The following KIF18A variants were observed in gnomAD, a reference collection of about 807,000 sequenced individuals.
KIF18A encodes kinesin-like protein KIF18A.
In KIF18A, 67 loss-of-function variants were observed where a neutral mutation model predicts 103.3. That is an observed-to-expected ratio of 0.65 (90% CI 0.53 to 0.79). KIF18A has a LOEUF of 0.79. Ranked by LOEUF, KIF18A falls within the 30% of genes least tolerant of loss-of-function variation. KIF18A has a pLI of 0.00. For synonymous variants in KIF18A, 367 were observed against 355.5 expected (o/e 1.03, Z -0.36); for missense variants, 1,032 against 1,062.5 (o/e 0.97, Z 0.40).
intron 9 of KIF18A, among the ~76,000 whole-genome samples, chr11:28,079,732 G>A (rs1159896021): frequency 1.3e-5 from 2 of 151,232 alleles, no homozygotes; most frequent in African/African-American, 4.9e-5. Context: ...ATAAGCTGAT[G>A]TACTTTGGAA....
At chr11:28,040,372 T>C (rs1299722564) in intron 13 of KIF18A, among the ~76,000 whole-genome samples, 1 of 151,730 alleles carries the variant, frequency 6.6e-6, no homozygotes, top group Non-Finnish European at 1.5e-5. Flanking sequence ...AGAGCAGGCA[T>C]GGGACAGTTG....
At chr11:28,037,738 C>G (rs1850513229) in intron 13 of KIF18A, among the ~76,000 whole-genome samples, 1 of 151,618 alleles carries the variant, frequency 6.6e-6, no homozygotes, top group South Asian at 2.1e-4. Flanking sequence ...CCTCATCACT[C>G]TGGAGAAGTC....
chr11:28,100,477 G>A (rs1851430604), intron 1 of KIF18A, among the ~76,000 whole-genome samples: 1 of 149,944 alleles, frequency 6.7e-6, no homozygotes, highest in African/African-American at 2.5e-5. Context: ...GCAGTAGTGG[G>A]GAAAAAACCC....
At chr11:28,094,607 C>A in intron 3 of KIF18A, 36 bp downstream of exon 3, 1 of 1,469,818 alleles carries the variant, frequency 6.8e-7, no homozygotes, top group Non-Finnish European at 9.5e-7. Context: ...TCAATGATTT[C>A]CCAAAACTAT....
chr11:28,033,569 T>G (rs1850439018), intron 15 of KIF18A, among the ~76,000 whole-genome samples: 1 of 151,804 alleles, frequency 6.6e-6, no homozygotes, highest in Admixed American at 6.6e-5. Context: ...ACAGCATGGA[T>G]GGAACTGATG....
intron 2 of KIF18A, among the ~76,000 whole-genome samples, chr11:28,095,172 C>G (rs1005888073): frequency 6.6e-6 from 1 of 152,206 alleles, no homozygotes; most frequent in Non-Finnish European, 1.5e-5. Flanking sequence ...TCCAGGTTTA[C>G]ATAAGTTCAA....
At chr11:28,086,923 T>C (rs918152225) in intron 6 of KIF18A, among the ~76,000 whole-genome samples, 1 of 152,174 alleles carries the variant, frequency 6.6e-6, no homozygotes, top group African/African-American at 2.4e-5. Flanking sequence ...ACTCAGAATA[T>C]AAAAGACATC....
intron 1 of KIF18A, among the ~76,000 whole-genome samples, chr11:28,100,491 A>T (rs1406799334): frequency 6.9e-6 from 1 of 145,822 alleles, no homozygotes; most frequent in African/African-American, 2.5e-5. Context: ...AAAACCCGAA[A>T]GGAGAAGATC....
chr11:28,035,889 C>T (rs1171157313), intron 14 of KIF18A, among the ~76,000 whole-genome samples: 2 of 151,452 alleles, frequency 1.3e-5, no homozygotes, highest in Non-Finnish European at 3.0e-5. Context: ...AAATTTCCTT[C>T]AGTGAAAATA....
intron 11 of KIF18A, among the ~76,000 whole-genome samples, chr11:28,067,477 A>C (rs2133536306): frequency 6.6e-6 from 1 of 152,218 alleles, no homozygotes; most frequent in Admixed American, 6.6e-5. Context: ...CTGAGCTTCC[A>C]TATTAACAGA....
chr11:28,093,949 C>G (rs144931938), intron 3 of KIF18A, among the ~76,000 whole-genome samples: 1 of 152,150 alleles, frequency 6.6e-6, no homozygotes, highest in African/African-American at 2.4e-5. Context: ...AGAAACTCTA[C>G]AGACCACAGC....
chr11:28,022,867 T>C (rs549738198), intron 16 of KIF18A, among the ~76,000 whole-genome samples: 2 of 152,288 alleles, frequency 1.3e-5, no homozygotes, highest in African/African-American at 4.8e-5. Context: ...CTGAGGAATT[T>C]TATATTACTC....
At chr11:28,050,144 A>G (rs538277691) in intron 13 of KIF18A, among the ~76,000 whole-genome samples, 1 of 151,856 alleles carries the variant, frequency 6.6e-6, no homozygotes, top group African/African-American at 2.4e-5. Context: ...GAAATAGCAG[A>G]TATCATGTTT....
At chr11:28,021,371 G>A (rs1850241209) in intron 16 of KIF18A, 89 bp from the exon 17 acceptor site, 3 of 1,094,880 alleles carry the variant, frequency 2.7e-6, no homozygotes, top group Non-Finnish European at 3.5e-6. Flanking sequence ...TATGACCATA[G>A]AAAGAAAAAT....
intron 2 of KIF18A, chr11:28,097,301 G>A (rs1851388218): frequency 4.6e-6 from 1 of 215,726 alleles, no homozygotes; most frequent in African/African-American, 2.3e-5. Context: ...TGTAGGAAAA[G>A]TTATAAATAC....
chr11:28,066,396 G>A (rs2133534800), intron 11 of KIF18A, among the ~76,000 whole-genome samples: 1 of 152,070 alleles, frequency 6.6e-6, no homozygotes, highest in Non-Finnish European at 1.5e-5. Flanking sequence ...TACAGGCACT[G>A]TGATAGAGCC....
Position 28,102,173 on chromosome 11 carries a change from A to T in KIF18A, c.-46-4180T>A, listed in dbSNP as rs548868159. ...GTAGATAATCAACTAAAAGCCAGGC[A>T]CCCTTTTAGCTCTGCGGAGAAACAT... On this transcript the variant is annotated intron_variant, in intron 1 of 16. Transcript: ENST00000263181. 2.0e-5 allele frequency among the ~76,000 whole-genome samples: 3 copies of T among 152,010 alleles called. No homozygotes were observed. In the East Asian group the frequency reaches 5.8e-4, roughly 29 times the overall value.
At chr11:28,034,015 A>G (rs1850446618) in intron 15 of KIF18A, among the ~76,000 whole-genome samples, 1 of 151,648 alleles carries the variant, frequency 6.6e-6, no homozygotes, top group Admixed American at 6.6e-5. Context: ...AAACAAATCC[A>G]TCTTTCAGTT....
rs994562387 is a variant in KIF18A at position 28,105,454 on chromosome 11, T to G, written c.-47+2610A>C. ...TGGCAAAGATTGTATAAAACGAAGA[T>G]GTACAATGTGATGGTCTCATATTCT... On this transcript the variant is annotated intron_variant, in intron 1 of 16. Transcript: ENST00000263181. Among the ~76,000 whole-genome samples the G allele has an allele frequency of 4.9e-4, 75 of 152,202 alleles. 1 individual carries two copies. Among genetic ancestry groups the G allele is most frequent in the Non-Finnish European group, 1.3e-4 (9 of 68,012 alleles).
Sources: gnomAD v4.1 joint callset for allele counts (sites outside exome capture counted in the v4.1 genomes callset) on GRCh38, gnomAD v4.1.1 for gene constraint, MANE v1.5 for transcripts, NCBI Gene and HGNC (gene_info 2026-07-23, HGNC 2026-07-21) for gene names.